KIF1C: variants seen among roughly 807,000 people sequenced by gnomAD.
KIF1C encodes kinesin family member 1C, also known as kinesin-like protein KIF1C.
In KIF1C, 61 loss-of-function variants were observed where a neutral mutation model predicts 126.5. That is an observed-to-expected ratio of 0.48 (90% confidence interval 0.39 to 0.60). KIF1C has a LOEUF of 0.60. KIF1C is among the 20% of genes least tolerant of loss of function. The probability of loss-of-function intolerance (pLI) is 0.00; values close to 1 mark genes in which losing one functional copy is unlikely to be tolerated. For synonymous variants in KIF1C, 640 were observed against 580.6 expected, an observed-to-expected ratio of 1.10 and a Z score of -1.47; for missense variants, 1,315 against 1,489.2, an observed-to-expected ratio of 0.88 and a Z score of 1.93.
In KIF1C at chr17:5,022,459, G is replaced by T; in HGVS notation, c.2378G>T (p.Gly793Val). ...CRTYGKPDGPGDAWRAVARDV... is the reference protein window; with the variant it reads ...CRTYGKPDGPVDAWRAVARDV... ...ACCTATGGCAAGCCAGACGGCCCCG[G>T]AGACGCCTGGAGGGCTGTGGCCCGG... The change falls in exon 22 of 23, where the codon GGA (glycine) becomes GTA (valine). Residue 793 changes from glycine (G) to valine (V), a missense_variant. Coordinates refer to ENST00000320785, the MANE Select transcript of KIF1C (RefSeq NM_006612.6). The surrounding 1 kb of genome is among the most constrained non-coding windows in gnomAD (Gnocchi z 4.9). The T allele has an allele frequency of 6.3e-7, 1 of 1,584,696 alleles. No individual in the cohort carries two copies.
chr17:5,020,750 C>T lies in KIF1C; in HGVS notation c.1938-56C>T. 1.2e-6 allele frequency: 2 copies of T among 1,604,590 alleles called. No individual in the cohort carries two copies. The highest frequency in any genetic ancestry group is 1.7e-6 in the Non-Finnish European group (2 of 1,175,088). On this transcript the variant is annotated intron_variant, in intron 20 of 22. Coordinates refer to ENST00000320785, the MANE Select transcript of KIF1C (RefSeq NM_006612.6). The surrounding 1 kb of genome is among the most constrained non-coding windows in gnomAD (Gnocchi z 5.8). Reference sequence around the variant, plus strand: ...TCCCGGGCCTCTGGGCCCGTGTCCTCCTCTTGTCAGATACTCACCAAGGTT... The same window carrying T: ...TCCCGGGCCTCTGGGCCCGTGTCCTTCTCTTGTCAGATACTCACCAAGGTT...
In KIF1C at chr17:5,023,804, G is replaced by A; in HGVS notation, c.2965G>A (p.Glu989Lys). The A allele has an allele frequency of 6.6e-7, 1 of 1,519,058 alleles. No homozygotes were observed. Among genetic ancestry groups the A allele is most frequent in the Non-Finnish European group, 8.8e-7 (1 of 1,135,352 alleles). The allele number at this position is 1,519,058 out of a possible 1,614,324, so 94.1% of individuals were successfully genotyped here. A position where few individuals can be genotyped will look rare whatever the true frequency, so the allele number is the denominator to read the frequency against. Reference sequence around the variant, plus strand: ...CTTCAAGAGCAACCCCCAGCACCGGGAGTCTTGGCCAGGGATGGGGAGCGG... The same window carrying A: ...CTTCAAGAGCAACCCCCAGCACCGGAAGTCTTGGCCAGGGATGGGGAGCGG... The part of the protein sequence containing the change: ...FPFKSNPQHR[E>K]SWPGMGSGEA... Residue 989 changes from glutamate (E) to lysine (K), a missense_variant, in exon 23 of 23, where the codon GAG (glutamate) becomes AAG (lysine). Glu to Lys is a moderately conservative substitution (Grantham distance 56, BLOSUM62 1). Around this residue, in one of 2 missense-constraint regions of KIF1C, gnomAD observed 441 missense variants for 436.1 expected, o/e 1.01. Coordinates refer to ENST00000320785, the MANE Select transcript of KIF1C (RefSeq NM_006612.6). The surrounding 1 kb of genome is among the most constrained non-coding windows in gnomAD (Gnocchi z 4.2).
intron 4 of KIF1C, 62 bp downstream of exon 4, chr17:5,000,910 A>AG: frequency 6.7e-7 from 1 of 1,497,274 alleles, no homozygotes; most frequent in Non-Finnish European, 9.3e-7. Flanking sequence ...GGTCCTGGGG[A>AG]GGGGACATGT....
chr17:5,021,780 A>G (rs1033880705), intron 21 of KIF1C, among the ~76,000 whole-genome samples: 11 of 151,782 alleles, frequency 7.2e-5, no homozygotes, highest in African/African-American at 2.2e-4. Context: ...CCACCCCTCA[A>G]TGGTCTTTTA....
rs1377244311 is a variant in KIF1C, at chr17:5,006,916, C to A, written c.1167C>A (p.Gly389=). 1 of 1,611,478 alleles carries A rather than the reference C, an allele frequency of 6.2e-7. No individual in the cohort carries two copies. The highest frequency in any genetic ancestry group is 8.5e-7 in the Non-Finnish European group (1 of 1,179,362). Residue 389 remains glycine, a splice_region_variant and synonymous_variant, in exon 14 of 23, where the codon GGC becomes GGA. Coordinates refer to ENST00000320785, the MANE Select transcript of KIF1C (RefSeq NM_006612.6). ...CTTTTTCCTCTTTCTCCCTCCCAGG[C>A]CTGAAGACGGAAGAAGGGAGTGTCA... The part of the protein sequence containing the change: ...AQGLSASALE[G]LKTEEGSVRG...
At chr17:5,007,420 A>G in intron 15 of KIF1C, 47 bp from the exon 16 acceptor site, 1 of 1,611,434 alleles carries the variant, frequency 6.2e-7, no homozygotes, top group Non-Finnish European at 8.5e-7. Flanking sequence ...GAAGGAGGTC[A>G]CGGGCAGTGA....
intron 18 of KIF1C, among the ~76,000 whole-genome samples, chr17:5,017,293 C>CTTTTTTTT (rs34140025): frequency 7.0e-5 from 6 of 85,214 alleles, no homozygotes; most frequent in East Asian, 3.5e-4. Flanking sequence ...GGCCTTGGTT[C>CTTTTTTTT]TTTTTTTTTT....
Position 5,023,406 on chromosome 17 carries a change from A to T in KIF1C, c.2629-62A>T. The T allele has an allele frequency of 7.2e-7, 1 of 1,385,872 alleles. No homozygotes were observed. Among genetic ancestry groups the T allele is most frequent in the Non-Finnish European group, 1.0e-6 (1 of 990,358 alleles). 85.8% of individuals were successfully genotyped at this position (1,385,872 alleles called of 1,614,324 possible). On this transcript the variant is annotated intron_variant, in intron 22 of 22. Coordinates refer to ENST00000320785, the MANE Select transcript of KIF1C (RefSeq NM_006612.6). This position sits in a 1 kb window ranked among gnomAD's most constrained non-coding sequence, Gnocchi z 4.2. Reference sequence around the variant, plus strand: ...GCCACTCCAGGTCCCTCTTGAATCCACATGTCCTGAGGATTCAGCTCTCCT... The same window carrying T: ...GCCACTCCAGGTCCCTCTTGAATCCTCATGTCCTGAGGATTCAGCTCTCCT...
intron 13 of KIF1C, among the ~76,000 whole-genome samples, chr17:5,005,774 T>C (rs946977233): frequency 1.3e-5 from 2 of 150,918 alleles, no homozygotes; most frequent in African/African-American, 4.9e-5. Context: ...GTCGCTAGGC[T>C]GGAGTGCAGT....
In KIF1C at chr17:5,022,740, C is replaced by T. The variant is rs1481737226; in HGVS notation, c.2628+31C>T. ...ACTGGCCTTCTGCCTCCCTTCTCTC[C>T]TCCCTCGGCTCTTCACTTTAGGAGT... On this transcript the variant is annotated intron_variant, in intron 22 of 22. Transcript: ENST00000320785. The surrounding 1 kb of genome is among the most constrained non-coding windows in gnomAD (Gnocchi z 4.9). 7 of 1,486,360 alleles carry T rather than the reference C, an allele frequency of 4.7e-6. No homozygotes were observed. Among genetic ancestry groups the T allele is most frequent in the South Asian group, 1.4e-5 (1 of 71,698 alleles). The allele number at this position is 1,486,360 out of a possible 1,614,324, so 92.1% of individuals were successfully genotyped here.
chr17:5,013,665 G>C lies in KIF1C; in HGVS notation c.1504G>C (p.Val502Leu), dbSNP rs1383423752. Residue 502 changes from valine to leucine, a missense_variant, in exon 17 of 23, where the codon GTG becomes CTG. Coordinates refer to ENST00000320785, the MANE Select transcript of KIF1C (RefSeq NM_006612.6). ...VFSPKKTPHL[V>L]NLNEDPLMSE... ...TCTCCCCGCTTAGACTCCCCACCTG[G>C]TGAACCTGAACGAAGACCCTCTGAT... 6.2e-7 allele frequency: 1 copy of C among 1,613,650 alleles called. No homozygotes were observed. The highest frequency in any genetic ancestry group is 1.7e-5 in the Admixed American group (1 of 59,986).
Position 5,022,655 on chromosome 17 carries a change from G to A in KIF1C, c.2574G>A (p.Leu858=). ...KLQNSSKDRE[L]QALRDRMLRM... The stretch of plus-strand genomic sequence containing the variant: ...AGAACAGCAGCAAGGACCGGGAGCT[G>A]CAGGCCCTGCGGGACCGCATGCTCC... The change falls in exon 22 of 23, where the codon CTG becomes CTA. Residue 858 remains leucine, a synonymous_variant. Transcript: ENST00000320785. The surrounding 1 kb of genome is among the most constrained non-coding windows in gnomAD (Gnocchi z 4.9). 3 of 1,599,600 alleles carry A rather than the reference G, an allele frequency of 1.9e-6. No individual in the cohort carries two copies. The highest frequency in any genetic ancestry group is 2.6e-6 in the Non-Finnish European group (3 of 1,172,396).
At chr17:5,007,439 C>T (rs761696380) in intron 15 of KIF1C, 28 bp from the exon 16 acceptor site, 1 of 1,608,840 alleles carries the variant, frequency 6.2e-7, no homozygotes, top group Non-Finnish European at 8.5e-7. Context: ...GAAGGTAAGA[C>T]TGACATTTGC....
At position 5,004,551 on chromosome 17, in the gene KIF1C, T is replaced by G. The variant is rs1974681098; in HGVS notation, c.941-16T>G. On this transcript the variant is annotated splice_polypyrimidine_tract_variant and intron_variant, in intron 11 of 22. Transcript: ENST00000320785. ...CCCTCCCTCAGCTGAAGCTTTTCCA[T>G]GCACTCCATTCACAGGGGGGAACTC... is the stretch of plus-strand genomic sequence containing the variant. 1 of 1,613,548 alleles carries G rather than the reference T, an allele frequency of 6.2e-7. No individual in the cohort carries two copies. The highest frequency in any genetic ancestry group is 8.5e-7 in the Non-Finnish European group (1 of 1,179,508).
Position 5,002,493 on chromosome 17 carries a change from G to C in KIF1C, c.459G>C (p.Arg153=). 3 of 1,609,602 alleles carry C rather than the reference G, an allele frequency of 1.9e-6. No individual in the cohort carries two copies. Among genetic ancestry groups the C allele is most frequent in the Middle Eastern group, 1.7e-4 (1 of 6,044 alleles). ...EVSYMEIYCE[R]VRDLLNPKSR... Reference sequence around the variant, plus strand: ...GCTATATGGAGATCTACTGTGAGCGGGTACGAGACCTCTTGAACCCCAAGA... The same window carrying C: ...GCTATATGGAGATCTACTGTGAGCGCGTACGAGACCTCTTGAACCCCAAGA... The change falls in exon 7 of 23, where the codon CGG becomes CGC. Residue 153 remains arginine, a synonymous_variant. Coordinates refer to ENST00000320785, the MANE Select transcript of KIF1C (RefSeq NM_006612.6).
rs540149982 is a variant in KIF1C, at chr17:5,013,589, CCTTT to C, written c.1492-60_1492-57del. On this transcript the variant is annotated intron_variant, in intron 16 of 22. Transcript: ENST00000320785. ...GGAGGGGTGTCTCCTCCCACCGCTC[CCTTT>C]CTTCCTTTCTATAGCACCCCTGGCT... 2.9e-4 allele frequency: 357 copies of C among 1,219,632 alleles called. 1 individual carries two copies. The African/African-American group carries it at 4.8e-3, about 16-fold the overall frequency. 75.6% of individuals were successfully genotyped at this position (1,219,632 alleles called of 1,614,324 possible). A position where few individuals can be genotyped will look rare whatever the true frequency, so the allele number is the denominator to read the frequency against.
In KIF1C at chr17:5,004,963, G is replaced by T. The variant is rs756472034; in HGVS notation, c.1128G>T (p.Leu376=). 6.2e-7 allele frequency: 1 copy of T among 1,614,244 alleles called. No individual in the cohort carries two copies. Among genetic ancestry groups the T allele is most frequent in the Non-Finnish European group, 8.5e-7 (1 of 1,180,036 alleles). The change falls in exon 13 of 23, where the codon CTG becomes CTT. Residue 376 remains leucine (L), a synonymous_variant. Coordinates refer to ENST00000320785, the MANE Select transcript of KIF1C (RefSeq NM_006612.6). The part of the protein sequence containing the change: ...LQEEVARLRE[L]LMAQGLSASA... Reference sequence around the variant, plus strand: ...AGGAAGTAGCCCGGCTGCGGGAACTGCTGATGGCTCAGGGACTGTCAGCCT... The same window carrying T: ...AGGAAGTAGCCCGGCTGCGGGAACTTCTGATGGCTCAGGGACTGTCAGCCT...
chr17:5,007,656 C>T (rs973493780), intron 16 of KIF1C, 114 bp downstream of exon 16: 1 of 749,830 alleles, frequency 1.3e-6, no homozygotes. Context: ...AGGTCCCCGG[C>T]TTGTCCCTCC....
intron 16 of KIF1C, among the ~76,000 whole-genome samples, chr17:5,013,233 G>A (rs958585881): frequency 1.3e-5 from 2 of 152,162 alleles, no homozygotes; most frequent in African/African-American, 2.4e-5. Flanking sequence ...ACATTTTGAG[G>A]AAAGAAATGA....
Sources: gnomAD v4.1 joint callset for allele counts (sites outside exome capture counted in the v4.1 genomes callset) on GRCh38, gnomAD v4.1.1 for gene constraint, gnomAD v4.1.1 regional missense constraint, Gnocchi (gnomAD v3.1) non-coding constraint, MANE v1.5 for transcripts, NCBI Gene and HGNC (gene_info 2026-07-23, HGNC 2026-07-21) for gene names.